Variants in A2ML1 observed in about 807,000 individuals in gnomAD.
The protein encoded by A2ML1 is alpha-2-macroglobulin like 1, also known as alpha-2-macroglobulin-like protein 1.
A neutral mutation model predicts 181.9 loss-of-function variants in A2ML1; 161 were observed. The observed-to-expected ratio is 0.89, with a 90% CI of 0.78 to 1.01. The LOEUF (loss-of-function observed/expected upper bound fraction) is 1.01, where lower values mean the gene tolerates loss of function less well. Among genes scored for constraint, A2ML1 ranks in the 50% least tolerant of loss-of-function variants. The pLI is 0.00. For synonymous variants in A2ML1, 663 were observed against 666.8 expected (o/e 0.99, Z 0.09); for missense variants, 1,670 against 1,768.1 (o/e 0.94, Z 1.00).
rs960224740 is a variant in A2ML1 at position 8,861,202 on chromosome 12, C to T, written c.3407C>T (p.Thr1136Ile). 6.2e-7 allele frequency: 1 copy of T among 1,614,064 alleles called. No homozygotes were observed. The highest frequency in any genetic ancestry group is 1.3e-5 in the African/African-American group (1 of 74,902). ...GCCACCTCCACGACCAACCTCTACACACAGGCCCTGTTGGCTTACATTTTC... is the reference window on the plus strand; with the variant it reads ...GCCACCTCCACGACCAACCTCTACATACAGGCCCTGTTGGCTTACATTTTC... ...NSATSTTNLY[T>I]QALLAYIFSL... Residue 1136 changes from threonine (T) to isoleucine (I), a missense_variant, in exon 28 of 36, where the codon ACA becomes ATA. Physicochemically the swap from Thr to Ile is moderately conservative, Grantham distance 89. Transcript: ENST00000299698.
At position 8,872,795 on chromosome 12, in the gene A2ML1, A is replaced by AAAG. The variant is rs1555118808; in HGVS notation, c.4222-1628_4222-1627insGAA. ...TGAGACTCCATCTCAAAAAAAAAAA[A>AAAG]AAAGAAAAAGAAAAAGAAAATAACT... On this transcript the variant is annotated intron_variant, in intron 33 of 35. Transcript: ENST00000299698. Among the ~76,000 whole-genome samples, 415 of 150,238 alleles carry AAAG rather than the reference A, an allele frequency of 2.8e-3. 5 individuals carry two copies. Among genetic ancestry groups the AAAG allele is most frequent in the African/African-American group, 9.5e-3 (380 of 39,840 alleles).
rs998916155 is a variant in A2ML1, at chr12:8,855,567, G to A, written c.2823G>A (p.Ser941=). The change falls in exon 23 of 36, where the codon TCG becomes TCA. Residue 941 remains serine (S), a synonymous_variant. Transcript: ENST00000299698. Reference sequence around the variant, plus strand: ...TCCCAGTGGACATTGTTCCTGACTCGACCAAGGCTTATGTTACGGTTCTGG... The same window carrying A: ...TCCCAGTGGACATTGTTCCTGACTCAACCAAGGCTTATGTTACGGTTCTGG... ...LELPVDIVPD[S]TKAYVTVLGD... 14 of 1,613,908 alleles carry A rather than the reference G, an allele frequency of 8.7e-6. No individual in the cohort carries two copies. The highest frequency in any genetic ancestry group is 1.3e-5 in the African/African-American group (1 of 74,882).
chr12:8,869,244 C>T (rs778520774), intron 33 of A2ML1, 41 bp downstream of exon 33: 134 of 1,596,330 alleles, frequency 8.4e-5, no homozygotes, highest in South Asian at 3.0e-4. Flanking sequence ...GGATTGCTTA[C>T]GGATCTTCAT....
intron 4 of A2ML1, among the ~76,000 whole-genome samples, chr12:8,834,335 T>C (rs1247301385): frequency 1.3e-5 from 2 of 152,194 alleles, no homozygotes; most frequent in Non-Finnish European, 2.9e-5. Context: ...CTAATACTTC[T>C]TTTAGGGCAT....
chr12:8,823,494 C>T (rs1171691612), intron 2 of A2ML1, 129 bp downstream of exon 2: 2 of 1,188,702 alleles, frequency 1.7e-6, no homozygotes, highest in South Asian at 1.6e-5. Context: ...TTTTTCTCAA[C>T]TTAACCTCAA....
chr12:8,873,956 G>C (rs1174717200), intron 33 of A2ML1, among the ~76,000 whole-genome samples: 1 of 152,050 alleles, frequency 6.6e-6, no homozygotes, highest in African/African-American at 2.4e-5. Flanking sequence ...ATGTCTTTAA[G>C]ACTCATAGGG....
chr12:8,872,154 G>C (rs1944646078), intron 33 of A2ML1, among the ~76,000 whole-genome samples: 1 of 150,930 alleles, frequency 6.6e-6, no homozygotes, highest in Non-Finnish European at 1.5e-5. Context: ...ACTCCAGCCT[G>C]GGCAACGGTG....
At position 8,829,969 on chromosome 12, in the gene A2ML1, G is replaced by A. The variant is rs186047245; in HGVS notation, c.462+190G>A. On this transcript the variant is annotated intron_variant, in intron 4 of 35. Coordinates refer to ENST00000299698, the MANE Select transcript of A2ML1 (RefSeq NM_144670.6). ...CTAGCCTAAATCAGCCTAGGAACAA[G>A]CAGAGGTAACCAGTTCTCAGCTTCA... is the stretch of plus-strand genomic sequence containing the variant. 7.8e-3 allele frequency among the ~76,000 whole-genome samples: 1,187 copies of A among 152,270 alleles called. 11 individuals carry two copies. The highest frequency in any genetic ancestry group is 0.014 in the Middle Eastern group (4 of 294).
intron 9 of A2ML1, among the ~76,000 whole-genome samples, 191 bp from the exon 10 acceptor site, chr12:8,838,914 TAAAAAAAA>T (rs11314317): frequency 1.1e-4 from 12 of 110,688 alleles, no homozygotes; most frequent in South Asian, 6.0e-4. Flanking sequence ...GACTCCATCT[TAAAAAAAA>T]AAAAAAAAAA....
At chr12:8,879,281 C>G (rs1273382863), downstream of A2ML1, among the ~76,000 whole-genome samples, 1 of 152,018 alleles carries the variant, frequency 6.6e-6, no homozygotes, top group Admixed American at 6.6e-5. Flanking sequence ...CACTAGAGAT[C>G]GGGCATTCAA....
chr12:8,854,925 C>T (rs1261925812), intron 22 of A2ML1, 94 bp downstream of exon 22: 31 of 1,347,572 alleles, frequency 2.3e-5, no homozygotes, highest in South Asian at 5.0e-5. Context: ...GACGGAGTCT[C>T]GCTCCGTCGT....
intron 33 of A2ML1, 68 bp from the exon 34 acceptor site, chr12:8,874,357 T>C: frequency 7.9e-7 from 1 of 1,265,762 alleles, no homozygotes; most frequent in South Asian, 1.2e-5. Context: ...GGGTCTTTTA[T>C]TCCACATTGC....
chr12:8,873,580 A>G (rs1944700458), intron 33 of A2ML1, among the ~76,000 whole-genome samples: 1 of 151,768 alleles, frequency 6.6e-6, no homozygotes, highest in Admixed American at 6.5e-5. Flanking sequence ...CAGGTTTTTA[A>G]AAATTACATG....
Position 8,855,910 on chromosome 12 carries a change from C to G in A2ML1, c.2848+318C>G, listed in dbSNP as rs79689192. On this transcript the variant is annotated intron_variant, in intron 23 of 35. Coordinates refer to ENST00000299698, the MANE Select transcript of A2ML1 (RefSeq NM_144670.6). ...ATATTTGCAGCAACCATTTTCAAAACTGAGGAATTTGGGTATAGTTTAGGG... is the reference window on the plus strand; with the variant it reads ...ATATTTGCAGCAACCATTTTCAAAAGTGAGGAATTTGGGTATAGTTTAGGG... Among the ~76,000 whole-genome samples the G allele has an allele frequency of 6.6e-5, 10 of 152,214 alleles. No individual in the cohort carries two copies. In the East Asian group the frequency reaches 1.3e-3, roughly 21 times the overall value.
chr12:8,855,485 C>T, intron 22 of A2ML1, 24 bp from the exon 23 acceptor site: 4 of 1,611,986 alleles, frequency 2.5e-6, no homozygotes, highest in Non-Finnish European at 3.4e-6. Context: ...TCTATTGTGT[C>T]ACCTTTTTTT....
intron 26 of A2ML1, among the ~76,000 whole-genome samples, chr12:8,860,011 G>A (rs927433443): frequency 8.5e-5 from 13 of 152,208 alleles, no homozygotes; most frequent in Admixed American, 4.6e-4. Flanking sequence ...CCATGTAACC[G>A]TGAGCAAGCT....
Position 8,835,656 on chromosome 12 carries a change from G to A in A2ML1, c.633G>A (p.Val211=), listed in dbSNP as rs79151946. ...AEGKTFGTFS[V]EEYVLPKFKV... ...GCAAGACCTTTGGTACTTTCAGTGT[G>A]GAGGAATATGGTAGGTGGGGAAATG... Residue 211 remains valine, a synonymous_variant, in exon 6 of 36, where the codon GTG becomes GTA. Transcript: ENST00000299698. 1,470 of 1,614,106 alleles carry A rather than the reference G, an allele frequency of 9.1e-4. 13 individuals carry two copies. The African/African-American group carries it at 0.017, about 19-fold the overall frequency.
chr12:8,830,933 ACTT>A (rs1224010670), intron 4 of A2ML1: 1 of 144,830 alleles, frequency 6.9e-6, no homozygotes, highest in East Asian at 2.0e-4. Context: ...AACGTTGAGT[ACTT>A]CTTACTTTTT....
intron 33 of A2ML1, among the ~76,000 whole-genome samples, chr12:8,872,297 CT>C (rs748545500): frequency 6.6e-6 from 1 of 151,836 alleles, no homozygotes; most frequent in Non-Finnish European, 1.5e-5. Context: ...TCTAAAAATT[CT>C]TTGTTTCAGT....
Sources: gnomAD v4.1 joint callset for allele counts (sites outside exome capture counted in the v4.1 genomes callset) on GRCh38, gnomAD v4.1.1 for gene constraint, MANE v1.5 for transcripts, NCBI Gene and HGNC (gene_info 2026-07-23, HGNC 2026-07-21) for gene names.